The following SCNN1A variants were observed in gnomAD, a reference collection of about 807,000 sequenced individuals.
The protein encoded by SCNN1A is sodium channel epithelial 1 subunit alpha.
A neutral mutation model predicts 68.6 loss-of-function variants in SCNN1A; 65 were observed. The observed-to-expected ratio is 0.95, with a 90% CI of 0.78 to 1.16. The LOEUF (loss-of-function observed/expected upper bound fraction) is 1.16. Ranked by LOEUF, SCNN1A falls within the 50% of genes most tolerant of loss-of-function variation. The probability of loss-of-function intolerance (pLI) is 0.00; values close to 1 mark genes in which losing one functional copy is unlikely to be tolerated. For missense variants in SCNN1A, 880 were observed against 865.9 expected (o/e 1.02, Z -0.20); for synonymous variants, 357 against 353.3 (o/e 1.01, Z -0.12).
chr12:6,351,669 TAG>T lies in SCNN1A; in HGVS notation c.1361-2266_1361-2265del, dbSNP rs1027060443. On this transcript the variant is annotated intron_variant, in intron 8 of 12. Transcript: ENST00000228916. The surrounding 1 kb of genome is among the most constrained non-coding windows in gnomAD (Gnocchi z 4.2). ...AAAAGATTCAGAATAGGCAAATCCA[TAG>T]AGAGAGAAAGAAAGAATCGTGGTTG... 3.3e-5 allele frequency among the ~76,000 whole-genome samples: 5 copies of T among 150,086 alleles called. No individual in the cohort carries two copies. Among genetic ancestry groups the T allele is most frequent in the African/African-American group, 9.8e-5 (4 of 40,806 alleles).
In SCNN1A at chr12:6,347,513, G is replaced by A. The variant is rs1948278663; in HGVS notation, c.*360C>T. On this transcript the variant is annotated 3_prime_UTR_variant, in exon 13 of 13. Coordinates refer to ENST00000228916, the MANE Select transcript of SCNN1A (RefSeq NM_001038.6). ...CCGTGCATGCCTGCGTGTACCCTTGGTTGTGTTTTGTCCTGGTTATCAGCG... is the reference window on the plus strand; with the variant it reads ...CCGTGCATGCCTGCGTGTACCCTTGATTGTGTTTTGTCCTGGTTATCAGCG... The A allele has an allele frequency of 3.5e-5, 11 of 313,282 alleles. No individual in the cohort carries two copies. The South Asian group carries it at 4.2e-4, about 12-fold the overall frequency. 19.4% of individuals were successfully genotyped at this position (313,282 alleles called of 1,614,324 possible).
Position 6,348,127 on chromosome 12 carries a change from G to C in SCNN1A, c.1756C>G (p.Arg586Gly), listed in dbSNP as rs761506062. 4.3e-6 allele frequency: 7 copies of C among 1,614,156 alleles called. No homozygotes were observed. The South Asian group carries it at 6.6e-5, about 15-fold the overall frequency. The part of the protein sequence containing the change: ...LLVIMFLMLL[R>G]RFRSRYWSPG... Reference sequence around the variant, plus strand: ...GACCAGTATCGGCTTCGGAACCTTCGGAGCAGCATGAGGAACATGATGACC... The same window carrying C: ...GACCAGTATCGGCTTCGGAACCTTCCGAGCAGCATGAGGAACATGATGACC... The change falls in exon 13 of 13, where the codon CGA becomes GGA. Residue 586 changes from arginine (R) to glycine (G), a missense_variant. Physicochemically the swap from Arg to Gly is moderately radical, Grantham distance 125 (BLOSUM62 -2). Coordinates refer to ENST00000228916, the MANE Select transcript of SCNN1A (RefSeq NM_001038.6).
rs375843679 is a variant in SCNN1A at position 6,364,450 on chromosome 12, C to T, written c.417-740G>A. ...AAGGTTGCAGGGTACACAACAAATA[C>T]ACAAAAAAAATTAATTGCATTTAGG... On this transcript the variant is annotated intron_variant, in intron 2 of 12. Transcript: ENST00000228916. Among the ~76,000 whole-genome samples the T allele has an allele frequency of 5.9e-5, 9 of 152,132 alleles. No homozygotes were observed. In the South Asian group the frequency reaches 1.9e-3, roughly 32 times the overall value.
At position 6,348,258 on chromosome 12, in the gene SCNN1A, G is replaced by A. The variant is rs1218453692; in HGVS notation, c.1630-5C>T. The A allele has an allele frequency of 6.2e-7, 1 of 1,613,934 alleles. No homozygotes were observed. The highest frequency in any genetic ancestry group is 8.5e-7 in the Non-Finnish European group (1 of 1,179,984). On this transcript the variant is annotated splice_polypyrimidine_tract_variant and splice_region_variant and intron_variant, in intron 12 of 12. Coordinates refer to ENST00000228916, the MANE Select transcript of SCNN1A (RefSeq NM_001038.6). Reference sequence around the variant, plus strand: ...GTTGGACAGGAGGGTGACCATCTGTGAGAGGAGAGGTACATTGACGATGGG... The same window carrying A: ...GTTGGACAGGAGGGTGACCATCTGTAAGAGGAGAGGTACATTGACGATGGG...
At chr12:6,362,635 T>C (rs577013044) in intron 3 of SCNN1A, among the ~76,000 whole-genome samples, 1 of 151,966 alleles carries the variant, frequency 6.6e-6, no homozygotes, top group African/African-American at 2.4e-5. Flanking sequence ...TAATGGGAAC[T>C]TCCCTGTCTC....
At chr12:6,373,038 C>T (rs941414100) in intron 2 of SCNN1A, among the ~76,000 whole-genome samples, 3 of 152,302 alleles carry the variant, frequency 2.0e-5, no homozygotes, top group Admixed American at 2.0e-4. Flanking sequence ...ATACCCAAGA[C>T]ACCTTCGCAG....
In SCNN1A at chr12:6,372,390, C is replaced by T. The variant is rs1157469285; in HGVS notation, c.416+1978G>A. 6.6e-6 allele frequency among the ~76,000 whole-genome samples: 1 copy of T among 152,106 alleles called. No homozygotes were observed. The highest frequency in any genetic ancestry group is 1.5e-5 in the Non-Finnish European group (1 of 68,010). On this transcript the variant is annotated intron_variant, in intron 2 of 12. Transcript: ENST00000228916. This position sits in a 1 kb window ranked among gnomAD's most constrained non-coding sequence, Gnocchi z 5.8. ...ATCTCCTCCCGCTGTGCTGGGGAGC[C>T]CTTCCCCGACTCCTCTCCTCTCCTA... is the stretch of plus-strand genomic sequence containing the variant.
chr12:6,365,422 G>T (rs550505980), intron 2 of SCNN1A, among the ~76,000 whole-genome samples: 2 of 152,336 alleles, frequency 1.3e-5, no homozygotes, highest in East Asian at 1.9e-4. Flanking sequence ...GAAGAGCCAA[G>T]TTGGAAAATG....
intron 1 of SCNN1A, chr12:6,375,093 C>A: frequency 6.6e-7 from 1 of 1,514,020 alleles, no homozygotes; most frequent in Admixed American, 2.0e-5. Flanking sequence ...CTCTGCTTCC[C>A]TGATAGGGCC....
intron 2 of SCNN1A, among the ~76,000 whole-genome samples, chr12:6,367,526 A>G (rs1948701026): frequency 6.6e-6 from 1 of 152,256 alleles, no homozygotes. Flanking sequence ...CACACATACA[A>G]GAAAATACAT....
rs1948319436 is a variant in SCNN1A at position 6,349,002 on chromosome 12, A to G, written c.1501T>C (p.Trp501Arg). Residue 501 changes from tryptophan (W) to arginine (R), a missense_variant, in exon 11 of 13, where the codon TGG becomes CGG. This residue lies in a region of SCNN1A where 758 missense variants were observed against 721.8 expected (regional missense o/e 1.05). Transcript: ENST00000228916. The part of the protein sequence containing the change: ...SRWPSVTSQE[W>R]VFQMLSRQNN... ...TGTCGCGATAGCATCTGGAAGACCC[A>G]TTCCTAGGAAAGAATGGGGGTGTCA... is the stretch of plus-strand genomic sequence containing the variant. 1 of 1,614,070 alleles carries G rather than the reference A, an allele frequency of 6.2e-7. No homozygotes were observed. Among genetic ancestry groups the G allele is most frequent in the Non-Finnish European group, 8.5e-7 (1 of 1,179,982 alleles).
At position 6,353,678 on chromosome 12, in the gene SCNN1A, C is replaced by T. The variant is rs1189466794; in HGVS notation, c.1360+760G>A. 1.2e-4 allele frequency: 10 copies of T among 85,968 alleles called. 3 individuals carry two copies. The South Asian group carries it at 3.5e-3, about 30-fold the overall frequency. The allele number at this position is 85,968 out of a possible 1,614,324, so 5.3% of individuals were successfully genotyped here. ...GATCTCAGCTCACTGCAGGCTCCGC[C>T]TCCCGGGTCCACACCATTCTCCTGC... On this transcript the variant is annotated intron_variant, in intron 8 of 12. Transcript: ENST00000228916.
chr12:6,349,663 T>C (rs972514663), intron 8 of SCNN1A, among the ~76,000 whole-genome samples: 5 of 151,870 alleles, frequency 3.3e-5, no homozygotes, highest in Admixed American at 6.6e-5. Context: ...GAGCTATGAG[T>C]GTGCCTTTGT....
Position 6,362,710 on chromosome 12 carries a change from C to T in SCNN1A, c.685-469G>A, listed in dbSNP as rs865897493. 6.8e-3 allele frequency among the ~76,000 whole-genome samples: 1,036 copies of T among 151,574 alleles called. 7 individuals carry two copies. The highest frequency in any genetic ancestry group is 0.023 in the African/African-American group (965 of 41,342). ...TTTCTTTTTTTTTGGCAGACGAGCT[C>T]ACTCTGTCACTCAGGCTGGAGTACA... On this transcript the variant is annotated intron_variant, in intron 3 of 12. Transcript: ENST00000228916.
At chr12:6,358,670 G>A (rs1565480459) in intron 4 of SCNN1A, among the ~76,000 whole-genome samples, 5 of 151,904 alleles carry the variant, frequency 3.3e-5, no homozygotes, top group Admixed American at 2.0e-4. Flanking sequence ...ATCAGCCTGG[G>A]CACCATAGTG....
At chr12:6,375,311 C>A in intron 1 of SCNN1A, 194 bp downstream of exon 1, 2 of 1,438,138 alleles carry the variant, frequency 1.4e-6, no homozygotes, top group East Asian at 5.0e-5. Flanking sequence ...TTGCCTTGCC[C>A]CCTCTCACTC....
Position 6,374,962 on chromosome 12 carries a change from T to G in SCNN1A, c.-54-125A>C, listed in dbSNP as rs1159824694. The G allele has an allele frequency of 6.4e-7, 1 of 1,566,396 alleles. No individual in the cohort carries two copies. Among genetic ancestry groups the G allele is most frequent in the Non-Finnish European group, 8.7e-7 (1 of 1,155,184 alleles). ...GAGGCTGCCCCTGGCCATGCCCATG[T>G]CCCACCCTGCGCCCACATTCTCCCA... is the stretch of plus-strand genomic sequence containing the variant. On this transcript the variant is annotated intron_variant, in intron 1 of 12. Transcript: ENST00000228916. The surrounding 1 kb of genome is among the most constrained non-coding windows in gnomAD (Gnocchi z 6.2).
intron 2 of SCNN1A, among the ~76,000 whole-genome samples, chr12:6,367,478 G>A (rs1183689165): frequency 6.6e-6 from 1 of 152,172 alleles, no homozygotes; most frequent in South Asian, 2.1e-4. Context: ...AAAAAACACA[G>A]GGAAGAATTC....
intron 8 of SCNN1A, among the ~76,000 whole-genome samples, chr12:6,354,136 C>T (rs1246682287): frequency 6.6e-6 from 1 of 151,810 alleles, no homozygotes; most frequent in Non-Finnish European, 1.5e-5. Context: ...GAGGCTGAGG[C>T]AGGAGAATGG....
Sources: gnomAD v4.1 joint callset for allele counts (sites outside exome capture counted in the v4.1 genomes callset) on GRCh38, gnomAD v4.1.1 for gene constraint, gnomAD v4.1.1 regional missense constraint, Gnocchi (gnomAD v3.1) non-coding constraint, MANE v1.5 for transcripts, NCBI Gene and HGNC (gene_info 2026-07-23, HGNC 2026-07-21) for gene names.